Variants in SCARB1 observed in about 807,000 individuals in gnomAD.
The protein encoded by SCARB1 is CD36 and LIMPII analogous 1.
A neutral mutation model predicts 57.2 loss-of-function variants in SCARB1; 30 were observed. The observed-to-expected ratio is 0.52, with a 90% CI of 0.39 to 0.71. SCARB1 has a LOEUF of 0.71. Among genes scored for constraint, SCARB1 ranks in the 30% least tolerant of loss-of-function variants. SCARB1 has a pLI of 0.00. For missense variants in SCARB1, 543 were observed against 671.2 expected (o/e 0.81, Z 2.11); for synonymous variants, 249 against 268.3 (o/e 0.93, Z 0.70).
intron 6 of SCARB1, among the ~76,000 whole-genome samples, chr12:124,808,636 C>T (rs2135646064): frequency 6.6e-6 from 1 of 152,314 alleles, no homozygotes; most frequent in South Asian, 2.1e-4. Flanking sequence ...CCACACCCAC[C>T]CCATCCACCC....
chr12:124,854,770 C>T (rs529921524), intron 1 of SCARB1, among the ~76,000 whole-genome samples: 193 of 152,204 alleles, frequency 1.3e-3, no homozygotes, highest in African/African-American at 4.4e-3. Flanking sequence ...GAGTGGGAAG[C>T]TGGTGGGAGC....
In SCARB1 at chr12:124,787,564, C is replaced by A. The variant is rs902964212; in HGVS notation, c.1203-107G>T. On this transcript the variant is annotated intron_variant, in intron 9 of 12. Transcript: ENST00000261693. ...AACAGGTTTAGTATAATTTTGCACA[C>A]ACTAAACCCTCACCACCAAATATAA... The A allele has an allele frequency of 1.9e-5, 18 of 936,252 alleles. No individual in the cohort carries two copies. In the Admixed American group the frequency reaches 3.6e-4, roughly 19 times the overall value. 58.0% of individuals were successfully genotyped at this position (936,252 alleles called of 1,614,324 possible). A position where few individuals can be genotyped will look rare whatever the true frequency, so the allele number is the denominator to read the frequency against.
At position 124,800,751 on chromosome 12, in the gene SCARB1, C is replaced by T. The variant is rs953511566; in HGVS notation, c.1010-509G>A. Among the ~76,000 whole-genome samples, 1 of 152,180 alleles carries T rather than the reference C, an allele frequency of 6.6e-6. No homozygotes were observed. Among genetic ancestry groups the T allele is most frequent in the Non-Finnish European group, 1.5e-5 (1 of 68,026 alleles). ...GTGTGTGCACCTGTGGCCAGATCTC[C>T]CTGCATCCACAGGAGTGTGTCCCTG... On this transcript the variant is annotated intron_variant, in intron 7 of 12. Transcript: ENST00000261693. This position sits in a 1 kb window ranked among gnomAD's most constrained non-coding sequence, Gnocchi z 4.8.
chr12:124,843,300 G>GCA (rs66718900), intron 1 of SCARB1, among the ~76,000 whole-genome samples: 1 of 64,518 alleles, frequency 1.5e-5, no homozygotes, highest in South Asian at 6.9e-4. Context: ...TGGGGGGGGG[G>GCA]GTCTTACTAT....
intron 9 of SCARB1, among the ~76,000 whole-genome samples, chr12:124,791,523 A>G (rs910336420): frequency 1.1e-4 from 16 of 152,290 alleles, no homozygotes; most frequent in African/African-American, 3.9e-4. Flanking sequence ...CACATTTATT[A>G]TTGTTGTTGT....
chr12:124,787,274 G>A, intron 10 of SCARB1, 132 bp downstream of exon 10: 1 of 769,516 alleles, frequency 1.3e-6, no homozygotes, highest in Non-Finnish European at 2.2e-6. Flanking sequence ...TGATACGCTG[G>A]TCCATGTCAC....
rs1247956856 is a variant in SCARB1, at chr12:124,789,738, C to T, written c.1203-2281G>A. 6.6e-6 allele frequency among the ~76,000 whole-genome samples: 1 copy of T among 152,340 alleles called. No individual in the cohort carries two copies. Among genetic ancestry groups the T allele is most frequent in the African/African-American group, 2.4e-5 (1 of 41,576 alleles). On this transcript the variant is annotated intron_variant, in intron 9 of 12. Coordinates refer to ENST00000261693, the MANE Select transcript of SCARB1 (RefSeq NM_005505.5). The surrounding 1 kb of genome is among the most constrained non-coding windows in gnomAD (Gnocchi z 4.4). ...TAATTTTTAAAAAGAGGGGCTGGGGCGTGGTGGCTCACGCCTGTAATCCCA... is the reference window on the plus strand; with the variant it reads ...TAATTTTTAAAAAGAGGGGCTGGGGTGTGGTGGCTCACGCCTGTAATCCCA...
In SCARB1 at chr12:124,814,220, C is replaced by T. The variant is rs771261752; in HGVS notation, c.612G>A (p.Lys204=). Residue 204 remains lysine (K), a synonymous_variant, in exon 4 of 13, where the codon AAG becomes AAA. Coordinates refer to ENST00000261693, the MANE Select transcript of SCARB1 (RefSeq NM_005505.5). The surrounding 1 kb of genome is among the most constrained non-coding windows in gnomAD (Gnocchi z 4.7). ...CACGTACCTCAGCAAATAATCCGAA[C>T]TTGTCCTTGAAGGGGAACATGCCTG... ...YFPGMFPFKD[K]FGLFAELNNS... 2 of 1,614,222 alleles carry T rather than the reference C, an allele frequency of 1.2e-6. No homozygotes were observed. Among genetic ancestry groups the T allele is most frequent in the South Asian group, 1.1e-5 (1 of 91,084 alleles).
At chr12:124,794,751 T>C (rs1363116679) in intron 9 of SCARB1, among the ~76,000 whole-genome samples, 1 of 152,084 alleles carries the variant, frequency 6.6e-6, no homozygotes, top group Non-Finnish European at 1.5e-5. Context: ...ACCAACATGG[T>C]GAAACCCCAT....
chr12:124,853,123 G>T (rs1040739178), intron 1 of SCARB1, among the ~76,000 whole-genome samples: 1 of 152,102 alleles, frequency 6.6e-6, no homozygotes, highest in African/African-American at 2.4e-5. Flanking sequence ...AGCTTCAAAA[G>T]GTTACATTTA....
At chr12:124,841,620 G>A (rs1221651768) in intron 1 of SCARB1, among the ~76,000 whole-genome samples, 1 of 151,426 alleles carries the variant, frequency 6.6e-6, no homozygotes, top group Non-Finnish European at 1.5e-5. Flanking sequence ...ACCCCCTCCA[G>A]TCACTTCTCC....
At chr12:124,805,371 C>T (rs1002559813) in intron 7 of SCARB1, among the ~76,000 whole-genome samples, 4 of 152,076 alleles carry the variant, frequency 2.6e-5, no homozygotes, top group African/African-American at 7.2e-5. Flanking sequence ...AGAAAAAGGG[C>T]GAAGGCATCA....
intron 1 of SCARB1, among the ~76,000 whole-genome samples, chr12:124,844,944 C>T (rs1029671900): frequency 6.6e-6 from 1 of 151,820 alleles, no homozygotes; most frequent in Admixed American, 6.6e-5. Flanking sequence ...ACCAGAGACT[C>T]GAAGAGCCTG....
chr12:124,832,026 G>T lies in SCARB1; in HGVS notation c.127-14319C>A, dbSNP rs183073164. Among the ~76,000 whole-genome samples, 68 of 152,294 alleles carry T rather than the reference G, an allele frequency of 4.5e-4. No individual in the cohort carries two copies. In the South Asian group the frequency reaches 4.8e-3, roughly 11 times the overall value. On this transcript the variant is annotated intron_variant, in intron 1 of 12. Coordinates refer to ENST00000261693, the MANE Select transcript of SCARB1 (RefSeq NM_005505.5). ...AACGCAATGTGGGGCCCTGGATTGG[G>T]TCCTGGGACAGAAAATGATACGAAG...
At chr12:124,794,113 A>C (rs1031464853) in intron 9 of SCARB1, among the ~76,000 whole-genome samples, 1 of 152,214 alleles carries the variant, frequency 6.6e-6, no homozygotes, top group African/African-American at 2.4e-5. Context: ...AGAGACAGGA[A>C]GTGGATGAAC....
intron 9 of SCARB1, among the ~76,000 whole-genome samples, chr12:124,793,429 C>T (rs1046280340): frequency 6.7e-6 from 1 of 148,942 alleles, no homozygotes; most frequent in African/African-American, 2.5e-5. Flanking sequence ...GCGCGGTGCT[C>T]ACGCCTGTAA....
At chr12:124,843,839 A>G (rs534486693) in intron 1 of SCARB1, among the ~76,000 whole-genome samples, 24 of 152,302 alleles carry the variant, frequency 1.6e-4, no homozygotes, top group African/African-American at 5.5e-4. Context: ...GAAAGGAAGA[A>G]GACTCAAATT....
chr12:124,789,231 C>A lies in SCARB1; in HGVS notation c.1203-1774G>T, dbSNP rs1203164115. ...CAAGATGCTCTGAAACTGGAACTTTCTCTCTGCGGTCCTCCTCCCAAAACC... is the reference window on the plus strand; with the variant it reads ...CAAGATGCTCTGAAACTGGAACTTTATCTCTGCGGTCCTCCTCCCAAAACC... On this transcript the variant is annotated intron_variant, in intron 9 of 12. Coordinates refer to ENST00000261693, the MANE Select transcript of SCARB1 (RefSeq NM_005505.5). This position sits in a 1 kb window ranked among gnomAD's most constrained non-coding sequence, Gnocchi z 4.4. 6.6e-6 allele frequency among the ~76,000 whole-genome samples: 1 copy of A among 152,178 alleles called. No homozygotes were observed. Among genetic ancestry groups the A allele is most frequent in the African/African-American group, 2.4e-5 (1 of 41,440 alleles).
At chr12:124,851,300 G>A (rs532013922) in intron 1 of SCARB1, among the ~76,000 whole-genome samples, 11 of 152,240 alleles carry the variant, frequency 7.2e-5, no homozygotes, top group African/African-American at 2.4e-4. Context: ...AAAAACATAG[G>A]AATCTAATTC....
Sources: gnomAD v4.1 joint callset for allele counts (sites outside exome capture counted in the v4.1 genomes callset) on GRCh38, gnomAD v4.1.1 for gene constraint, Gnocchi (gnomAD v3.1) non-coding constraint, MANE v1.5 for transcripts, NCBI Gene and HGNC (gene_info 2026-07-23, HGNC 2026-07-21) for gene names.